PARPBP: variants seen among roughly 807,000 people sequenced by gnomAD.
PARPBP encodes PCNA-interacting partner.
PARPBP carries 52 observed loss-of-function variants against 50.0 expected under a neutral mutation model. The observed-to-expected ratio is 1.04, with a 90% CI of 0.83 to 1.31. The LOEUF (loss-of-function observed/expected upper bound fraction) is 1.31, where lower values mean the gene tolerates loss of function less well. Ranked by LOEUF, PARPBP falls within the 50% of genes most tolerant of loss-of-function variation. The pLI is 0.00. For synonymous variants in PARPBP, 244 were observed against 232.1 expected, an observed-to-expected ratio of 1.05 and a Z score of -0.47; for missense variants, 697 against 672.0, an observed-to-expected ratio of 1.04 and a Z score of -0.41.
intron 6 of PARPBP, among the ~76,000 whole-genome samples, chr12:102,174,770 CT>C (rs994299104): frequency 2.0e-4 from 31 of 152,328 alleles, no homozygotes; most frequent in African/African-American, 6.5e-4. Flanking sequence ...AGAGCAGAAG[CT>C]GCAACCCAAA....
chr12:102,153,835 G>A, intron 3 of PARPBP, 34 bp from the exon 4 acceptor site: 2 of 1,123,866 alleles, frequency 1.8e-6, no homozygotes, highest in South Asian at 1.2e-5. Context: ...AGTCAGCATA[G>A]CATTTTATTA....
intron 5 of PARPBP, among the ~76,000 whole-genome samples, chr12:102,165,130 A>G (rs574016803): frequency 1.3e-5 from 2 of 152,328 alleles, no homozygotes; most frequent in East Asian, 3.9e-4. Flanking sequence ...ACCTTGGAAC[A>G]TTTCATGTTT....
intron 7 of PARPBP, among the ~76,000 whole-genome samples, chr12:102,175,985 C>CTT (rs948256671): frequency 2.1e-5 from 3 of 141,720 alleles, no homozygotes; most frequent in Non-Finnish European, 3.1e-5. Context: ...CATAAATATT[C>CTT]TTTTTTTTTT....
intron 4 of PARPBP, 66 bp downstream of exon 4, chr12:102,154,042 TA>T (rs1344512166): frequency 2.1e-6 from 2 of 960,610 alleles, no homozygotes; most frequent in Admixed American, 2.0e-5. Context: ...AATTTGGTGG[TA>T]CCTTAAAGTT....
chr12:102,194,183 G>A (rs924845156), intron 9 of PARPBP, among the ~76,000 whole-genome samples: 2 of 151,958 alleles, frequency 1.3e-5, no homozygotes, highest in African/African-American at 4.8e-5. Context: ...TTAATGCATC[G>A]ATCTTTGAAC....
intron 4 of PARPBP, 96 bp downstream of exon 4, chr12:102,154,072 T>C (rs931203816): frequency 1.4e-6 from 1 of 704,342 alleles, no homozygotes; most frequent in African/African-American, 1.8e-5. Context: ...TTTGTAAAAA[T>C]TTTTTTAACA....
At chr12:102,161,159 G>A (rs76456282) in intron 4 of PARPBP, among the ~76,000 whole-genome samples, 136 of 151,376 alleles carry the variant, frequency 9.0e-4, no homozygotes, top group African/African-American at 3.0e-3. Context: ...AGGCTGGAGT[G>A]CAGTAGCATT....
intron 4 of PARPBP, among the ~76,000 whole-genome samples, chr12:102,163,828 T>C (rs1887848331): frequency 6.6e-6 from 1 of 152,236 alleles, no homozygotes; most frequent in Non-Finnish European, 1.5e-5. Flanking sequence ...TGGTAACAGA[T>C]ATTCTTTTAA....
chr12:102,166,021 A>G (rs981243502), intron 6 of PARPBP, 138 bp downstream of exon 6: 1 of 594,048 alleles, frequency 1.7e-6, no homozygotes, highest in Non-Finnish European at 2.9e-6. Context: ...CTAGATGAAT[A>G]AATTATAATC....
At chr12:102,191,340 G>A (rs925498138) in intron 9 of PARPBP, among the ~76,000 whole-genome samples, 3 of 152,120 alleles carry the variant, frequency 2.0e-5, no homozygotes, top group Non-Finnish European at 4.4e-5. Flanking sequence ...GAATTTCACT[G>A]ATGAAGAAAA....
intron 9 of PARPBP, among the ~76,000 whole-genome samples, chr12:102,193,886 T>G (rs1448078842): frequency 2.6e-5 from 4 of 151,990 alleles, no homozygotes; most frequent in Admixed American, 2.0e-4. Context: ...AAAAAATAGT[T>G]TTTGATCTTG....
intron 2 of PARPBP, among the ~76,000 whole-genome samples, chr12:102,129,928 T>C (rs942806999): frequency 1.3e-5 from 2 of 152,168 alleles, no homozygotes; most frequent in African/African-American, 4.8e-5. Context: ...AGACCCCAAA[T>C]AGCTAAGGCT....
chr12:102,169,401 T>C (rs998222770), intron 6 of PARPBP, among the ~76,000 whole-genome samples: 2 of 152,216 alleles, frequency 1.3e-5, no homozygotes, highest in African/African-American at 4.8e-5. Context: ...AGGCAACTCA[T>C]ATGTCCTAAA....
chr12:102,180,990 A>C (rs1181229922), intron 8 of PARPBP, among the ~76,000 whole-genome samples: 2 of 152,184 alleles, frequency 1.3e-5, no homozygotes, highest in African/African-American at 4.8e-5. Context: ...TATTAAGCCA[A>C]AAGGGATTAA....
At chr12:102,154,679 A>G (rs1886642076) in intron 4 of PARPBP, 3 of 365,620 alleles carry the variant, frequency 8.2e-6, no homozygotes, top group South Asian at 6.4e-5. Context: ...GCATAACATC[A>G]CATGACAGAT....
chr12:102,149,429 C>T (rs1885895868), intron 3 of PARPBP, among the ~76,000 whole-genome samples: 1 of 152,170 alleles, frequency 6.6e-6, no homozygotes, highest in Admixed American at 6.5e-5. Flanking sequence ...TTGGTTCCTA[C>T]CCTCTAGACC....
intron 2 of PARPBP, among the ~76,000 whole-genome samples, chr12:102,141,698 C>T (rs1319504825): frequency 6.6e-6 from 1 of 152,186 alleles, no homozygotes; most frequent in Non-Finnish European, 1.5e-5. Context: ...CAAAATCTCT[C>T]AGCATTTGCT....
intron 3 of PARPBP, chr12:102,148,857 A>G (rs1345051584): frequency 6.2e-6 from 1 of 161,928 alleles, no homozygotes; most frequent in Non-Finnish European, 1.3e-5. Context: ...TCTATGGATT[A>G]ATAATGTTAT....
intron 6 of PARPBP, among the ~76,000 whole-genome samples, chr12:102,171,545 C>T (rs1405043526): frequency 6.6e-6 from 1 of 152,060 alleles, no homozygotes; most frequent in African/African-American, 2.4e-5. Context: ...TCAGTCTAAT[C>T]TCCTAATGTT....
Sources: gnomAD v4.1 joint callset for allele counts (sites outside exome capture counted in the v4.1 genomes callset) on GRCh38, gnomAD v4.1.1 for gene constraint, MANE v1.5 for transcripts, NCBI Gene and HGNC (gene_info 2026-07-23, HGNC 2026-07-21) for gene names.